OXSM: variants seen among roughly 807,000 people sequenced by gnomAD.
The protein encoded by OXSM is 3-oxoacyl-[acyl-carrier-protein] synthase, mitochondrial.
Under a neutral mutation model 29.2 loss-of-function variants are expected in OXSM, and 19 were observed. The observed-to-expected ratio is 0.65, with a 90% CI of 0.45 to 0.96. OXSM has a LOEUF of 0.96. Among genes scored for constraint, OXSM ranks in the 40% least tolerant of loss-of-function variants. The pLI is 0.00. For missense variants in OXSM, 554 were observed against 551.3 expected, an observed-to-expected ratio of 1.00 and a Z score of -0.05; for synonymous variants, 178 against 197.1, an observed-to-expected ratio of 0.90 and a Z score of 0.81.
chr3:25,790,834 G>C (rs1360121499), intron 1 of OXSM, 156 bp from the exon 2 acceptor site: 2 of 565,442 alleles, frequency 3.5e-6, no homozygotes, highest in Non-Finnish European at 6.2e-6. Flanking sequence ...TAAACAGATA[G>C]TTTGATGTTA....
rs1474530715 is a variant in OXSM at position 25,791,181 on chromosome 3, C to T, written c.161C>T (p.Pro54Leu). The stretch of plus-strand genomic sequence containing the variant: ...ATTACAGGCATTGGCTTAGTGACTC[C>T]TCTTGGTGTTGGAACTCACCTGGTT... ...VVITGIGLVT[P>L]LGVGTHLVWD... is the part of the protein sequence containing the mutation. The change falls in exon 2 of 3, where the codon CCT becomes CTT. Residue 54 changes from proline (P) to leucine (L), a missense_variant. Pro to Leu is a moderately conservative substitution (Grantham distance 98, BLOSUM62 -3). Transcript: ENST00000280701. 8 of 1,614,046 alleles carry T rather than the reference C, an allele frequency of 5.0e-6. No homozygotes were observed. The East Asian group carries it at 1.3e-4, about 27-fold the overall frequency.
Position 25,791,628 on chromosome 3 carries a change from A to C in OXSM, c.608A>C (p.His203Pro). The C allele has an allele frequency of 6.2e-7, 1 of 1,614,260 alleles. No individual in the cohort carries two copies. Among genetic ancestry groups the C allele is most frequent in the Non-Finnish European group, 8.5e-7 (1 of 1,180,044 alleles). The stretch of plus-strand genomic sequence containing the variant: ...CGATATAAACTCAAGGGCCCAAATC[A>C]TGCAGTATCCACAGCCTGTACCACA... Reference protein sequence around the residue: ...SIRYKLKGPNHAVSTACTTGA... With the variant: ...SIRYKLKGPNPAVSTACTTGA... Residue 203 changes from histidine (H) to proline (P), a missense_variant, in exon 2 of 3, where the codon CAT becomes CCT. His to Pro is a moderately conservative substitution (Grantham distance 77). Transcript: ENST00000280701.
At position 25,791,241 on chromosome 3, in the gene OXSM, T is replaced by A; in HGVS notation, c.221T>A (p.Val74Asp). 1 of 1,614,236 alleles carries A rather than the reference T, an allele frequency of 6.2e-7. No individual in the cohort carries two copies. The highest frequency in any genetic ancestry group is 8.5e-7 in the Non-Finnish European group (1 of 1,180,036). The change falls in exon 2 of 3, where the codon GTT (valine) becomes GAT (aspartate). Residue 74 changes from valine to aspartate, a missense_variant. Transcript: ENST00000280701. ...CTTATCGGAGGAGAGAGTGGAATTGTTTCACTGGTTGGTGAAGAGTATAAG... is the reference window on the plus strand; with the variant it reads ...CTTATCGGAGGAGAGAGTGGAATTGATTCACTGGTTGGTGAAGAGTATAAG... ...DRLIGGESGI[V>D]SLVGEEYKSI...
At chr3:25,792,465 A>G (rs1708781984) in intron 2 of OXSM, among the ~76,000 whole-genome samples, 1 of 152,200 alleles carries the variant, frequency 6.6e-6, no homozygotes, top group Non-Finnish European at 1.5e-5. Context: ...CTGATTCTGT[A>G]GGTCTAGGGT....
chr3:25,794,339 C>T lies in OXSM; in HGVS notation c.1225C>T (p.Pro409Ser). The T allele has an allele frequency of 3.1e-6, 5 of 1,614,208 alleles. No homozygotes were observed. The highest frequency in any genetic ancestry group is 4.2e-6 in the Non-Finnish European group (5 of 1,180,040). The change falls in exon 3 of 3, where the codon CCT (proline) becomes TCT (serine). Residue 409 changes from proline to serine, a missense_variant. Physicochemically the swap from Pro to Ser is moderately conservative, Grantham distance 74. Coordinates refer to ENST00000280701, the MANE Select transcript of OXSM (RefSeq NM_017897.3). ...TLACYYQKLP[P>S]TLNLDCSEPE... ...AGCTTGTTATTATCAAAAACTACCA[C>T]CTACTTTAAACCTGGATTGTTCGGA...
chr3:25,793,138 TTTTCTTTTTTC>T (rs1708800621), intron 2 of OXSM, among the ~76,000 whole-genome samples: 1 of 151,902 alleles, frequency 6.6e-6, no homozygotes, highest in African/African-American at 2.4e-5. Context: ...GTTTGTTTGT[TTTTCTTTTTTC>T]TTTCTTTTTT....
At position 25,791,335 on chromosome 3, in the gene OXSM, CTT is replaced by C. The variant is rs1708744975; in HGVS notation, c.317_318del (p.Phe106CysfsTer36). ...SDEGQFNEQN[F>X]VSKSDIKSMS... ...ATGAAGGTCAGTTCAATGAACAAAA[CTT>C]TGTGTCCAAATCAGATATCAAGTCC... On this transcript the variant is annotated frameshift_variant, in exon 2 of 3. Coordinates refer to ENST00000280701, the MANE Select transcript of OXSM (RefSeq NM_017897.3). LOFTEE classifies it high-confidence loss of function. 6.2e-7 allele frequency: 1 copy of C among 1,614,062 alleles called. No homozygotes were observed. Among genetic ancestry groups the C allele is most frequent in the Admixed American group, 1.7e-5 (1 of 60,012 alleles).
intron 2 of OXSM, 32 bp from the exon 3 acceptor site, chr3:25,794,060 G>C: frequency 6.4e-7 from 1 of 1,566,656 alleles, no homozygotes; most frequent in Non-Finnish European, 8.6e-7. Context: ...ATTAAACTTA[G>C]TCCTGATAAA....
intron 1 of OXSM, chr3:25,790,589 T>G (rs1374760624): frequency 5.8e-6 from 1 of 172,508 alleles, no homozygotes; most frequent in Non-Finnish European, 1.2e-5. Flanking sequence ...CCCACTTACT[T>G]ACTTAAAAGA....
intron 2 of OXSM, among the ~76,000 whole-genome samples, chr3:25,793,600 T>C (rs1708812482): frequency 6.6e-6 from 1 of 152,216 alleles, no homozygotes; most frequent in Admixed American, 6.5e-5. Context: ...ATAGCCTAAA[T>C]AAAGAGGATT....
chr3:25,794,440 C>A lies in OXSM; in HGVS notation c.1326C>A (p.Thr442=). The A allele has an allele frequency of 6.2e-7, 1 of 1,613,516 alleles. No individual in the cohort carries two copies. The highest frequency in any genetic ancestry group is 8.5e-7 in the Non-Finnish European group (1 of 1,179,482). ...WKTEKRFIGL[T]NSFGFGGTNA... ...CTGAGAAAAGATTTATTGGCCTCAC[C>A]AATTCCTTTGGTTTTGGTGGTACTA... The change falls in exon 3 of 3, where the codon ACC becomes ACA. Residue 442 remains threonine (T), a synonymous_variant. Coordinates refer to ENST00000280701, the MANE Select transcript of OXSM (RefSeq NM_017897.3).
At chr3:25,793,168 A>C (rs1293421029) in intron 2 of OXSM, among the ~76,000 whole-genome samples, 1 of 128,822 alleles carries the variant, frequency 7.8e-6, no homozygotes, top group Non-Finnish European at 1.7e-5. Flanking sequence ...TTTTTTTTTT[A>C]GTAGAGTTGG....
chr3:25,794,128 G>C lies in OXSM; in HGVS notation c.1014G>C (p.Gln338His), dbSNP rs750941744. 4 of 1,613,958 alleles carry C rather than the reference G, an allele frequency of 2.5e-6. No individual in the cohort carries two copies. The African/African-American group carries it at 5.3e-5, about 22-fold the overall frequency. The change falls in exon 3 of 3, where the codon CAG becomes CAC. Residue 338 changes from glutamine (Q) to histidine (H), a missense_variant. Gln to His is a conservative substitution (Grantham distance 24). Transcript: ENST00000280701. ...CTGCTTTAAAAGATGCAGGTGTGCA[G>C]CCTGAGGAGATATCCTATATCAATG... ...MAAALKDAGV[Q>H]PEEISYINAH...
In OXSM at chr3:25,791,739, T is replaced by C; in HGVS notation, c.719T>C (p.Ile240Thr). ...VMVAGGTDSCISPLSLAGFSR... is the reference protein window; with the variant it reads ...VMVAGGTDSCTSPLSLAGFSR... Reference sequence around the variant, plus strand: ...GTGGCTGGAGGTACAGATTCTTGTATTAGCCCTTTATCTCTTGCTGGGTTT... The same window carrying C: ...GTGGCTGGAGGTACAGATTCTTGTACTAGCCCTTTATCTCTTGCTGGGTTT... The change falls in exon 2 of 3, where the codon ATT becomes ACT. Residue 240 changes from isoleucine to threonine, a missense_variant. Coordinates refer to ENST00000280701, the MANE Select transcript of OXSM (RefSeq NM_017897.3). 6.2e-7 allele frequency: 1 copy of C among 1,614,156 alleles called. No homozygotes were observed. Among genetic ancestry groups the C allele is most frequent in the Non-Finnish European group, 8.5e-7 (1 of 1,180,020 alleles).
In OXSM at chr3:25,791,483, A is replaced by C; in HGVS notation, c.463A>C (p.Ile155Leu). 1 of 1,614,198 alleles carries C rather than the reference A, an allele frequency of 6.2e-7. No individual in the cohort carries two copies. Residue 155 changes from isoleucine (I) to leucine (L), a missense_variant, in exon 2 of 3, where the codon ATT becomes CTT. Transcript: ENST00000280701. ...ATGVAIGMGM[I>L]PLEVVSETAL... ...TGGTGTTGCAATTGGCATGGGAATG[A>C]TTCCTCTTGAAGTTGTTTCTGAAAC...
At position 25,791,588 on chromosome 3, in the gene OXSM, G is replaced by T. The variant is rs771686624; in HGVS notation, c.568G>T (p.Gly190Cys). 99 of 1,614,092 alleles carry T rather than the reference G, an allele frequency of 6.1e-5. No homozygotes were observed. The highest frequency in any genetic ancestry group is 8.1e-5 in the Non-Finnish European group (96 of 1,180,042). ...TAAGATTCTGGTCAATATGGCAGCA[G>T]GCCAGGTCAGCATTCGATATAAACT... ...VPKILVNMAA[G>C]QVSIRYKLKG... The change falls in exon 2 of 3, where the codon GGC becomes TGC. Residue 190 changes from glycine to cysteine, a missense_variant. Transcript: ENST00000280701.
intron 1 of OXSM, 41 bp downstream of exon 1, chr3:25,790,188 C>T: frequency 2.1e-6 from 1 of 466,280 alleles, no homozygotes; most frequent in Non-Finnish European, 3.8e-6. Flanking sequence ...TCCTTTCCTC[C>T]TTTACATTCA....
In OXSM at chr3:25,794,187, C is replaced by G. The variant is rs1708826165; in HGVS notation, c.1073C>G (p.Ala358Gly). ...HATSTPLGDA[A>G]ENKAIKHLFK... ...ACTTCCACACCATTGGGAGATGCTG[C>G]TGAAAACAAAGCTATCAAACATCTC... The change falls in exon 3 of 3, where the codon GCT becomes GGT. Residue 358 changes from alanine (A) to glycine (G), a missense_variant. Coordinates refer to ENST00000280701, the MANE Select transcript of OXSM (RefSeq NM_017897.3). The G allele has an allele frequency of 6.2e-7, 1 of 1,614,064 alleles. No individual in the cohort carries two copies. Among genetic ancestry groups the G allele is most frequent in the Admixed American group, 1.7e-5 (1 of 60,008 alleles).
intron 2 of OXSM, among the ~76,000 whole-genome samples, chr3:25,793,837 A>C (rs941998421): frequency 8.5e-5 from 13 of 152,234 alleles, no homozygotes; most frequent in African/African-American, 2.7e-4. Context: ...GAGATTATAC[A>C]ATCTTGCATT....
Sources: allele counts gnomAD v4.1 joint callset (sites outside exome capture counted in the v4.1 genomes callset), GRCh38; gene constraint gnomAD v4.1.1; transcripts MANE v1.5; gene names NCBI Gene and HGNC (gene_info 2026-07-23, HGNC 2026-07-21).